Variants in CXADR observed in about 807,000 individuals in gnomAD.
CXADR encodes the protein CXADR cell adhesion molecule.
In CXADR, 20 loss-of-function variants were observed where a neutral mutation model predicts 40.3. The ratio of observed to expected loss-of-function variants is 0.50; its 90% CI spans 0.35 to 0.72. CXADR has a LOEUF of 0.72. Ranked by LOEUF, CXADR falls within the 30% of genes least tolerant of loss-of-function variation. CXADR has a pLI of 0.01. For missense variants in CXADR, 332 were observed against 449.1 expected (o/e 0.74, Z 2.36); for synonymous variants, 150 against 161.3 (o/e 0.93, Z 0.53).
intron 1 of CXADR, among the ~76,000 whole-genome samples, chr21:17,516,152 C>T (rs2060459801): frequency 6.6e-6 from 1 of 152,180 alleles, no homozygotes; most frequent in Non-Finnish European, 1.5e-5. Flanking sequence ...ATTCAATCCA[C>T]CAAGCAACCC....
At chr21:17,618,445 T>C in the CXADR span, among the ~76,000 whole-genome samples, 20 of 152,346 alleles carry the variant, frequency 1.3e-4, no homozygotes, top group South Asian at 4.1e-4. Context: ...TAGTAAATCC[T>C]TTCCCTAGGT....
chr21:17,634,079 G>A, the CXADR span, among the ~76,000 whole-genome samples: 3 of 152,180 alleles, frequency 2.0e-5, no homozygotes, highest in South Asian at 6.2e-4. Flanking sequence ...TTATATCTCA[G>A]AATAGCCTCA....
chr21:17,556,412 G>C (rs1388717318), intron 3 of CXADR, among the ~76,000 whole-genome samples: 1 of 152,164 alleles, frequency 6.6e-6, no homozygotes, highest in African/African-American at 2.4e-5. Context: ...TTTCCTAGCA[G>C]CTATTTTAAA....
chr21:17,635,255 G>A, the CXADR span, among the ~76,000 whole-genome samples: 1 of 152,132 alleles, frequency 6.6e-6, no homozygotes, highest in African/African-American at 2.4e-5. Context: ...TACATCAGCA[G>A]GTTCCCAGTT....
At chr21:17,611,035 C>A in the CXADR span, among the ~76,000 whole-genome samples, 1 of 148,346 alleles carries the variant, frequency 6.7e-6, no homozygotes, top group Non-Finnish European at 1.5e-5. Context: ...CCTTCTACAG[C>A]CAGCTAGCAG....
Position 17,547,019 on chromosome 21 carries a change from TTCTC to T in CXADR, c.44-6_44-3del, listed in dbSNP as rs759553213. The stretch of plus-strand genomic sequence containing the variant: ...AATGCTTAGTCCCTTGTACATTTCT[TTCTC>T]TAGATTTCGCCAGAAGTTTGAGTAT... On this transcript the variant is annotated splice_polypyrimidine_tract_variant and splice_region_variant and intron_variant, in intron 1 of 6. Transcript: ENST00000284878. The T allele has an allele frequency of 5.6e-6, 9 of 1,612,054 alleles. No individual in the cohort carries two copies. Among genetic ancestry groups the T allele is most frequent in the African/African-American group, 1.3e-5 (1 of 74,836 alleles).
intron 1 of CXADR, among the ~76,000 whole-genome samples, chr21:17,531,277 C>T (rs1206021893): frequency 4.1e-5 from 6 of 147,858 alleles, no homozygotes; most frequent in Non-Finnish European, 5.9e-5. Context: ...CTAGCCTGGG[C>T]GACGGAACGA....
intron 7 of CXADR, among the ~76,000 whole-genome samples, chr21:17,579,058 G>A (rs1202216356): frequency 1.3e-5 from 2 of 152,016 alleles, no homozygotes; most frequent in South Asian, 4.2e-4. Context: ...TGAAGGGAAG[G>A]AAAAAGCAAG....
chr21:17,599,912 G>T, the CXADR span, among the ~76,000 whole-genome samples: 1 of 152,128 alleles, frequency 6.6e-6, no homozygotes, highest in Non-Finnish European at 1.5e-5. Flanking sequence ...ACAAAAATGA[G>T]AACTGAGGCA....
At chr21:17,612,184 G>C in the CXADR span, 1 of 152,360 alleles carries the variant, frequency 6.6e-6, no homozygotes, top group Non-Finnish European at 1.5e-5. Flanking sequence ...CAAGTTCAAG[G>C]GGAAGGGCCC....
At chr21:17,587,004 T>G (rs1228523846) in intron 7 of CXADR, among the ~76,000 whole-genome samples, 1 of 152,172 alleles carries the variant, frequency 6.6e-6, no homozygotes, top group East Asian at 1.9e-4. Flanking sequence ...TTTTTTGTCC[T>G]TGCAGTAGTT....
rs778453029 is a variant in CXADR at position 17,561,434 on chromosome 21, G to A, written c.791G>A (p.Arg264His). ...ATCATCTTTTGCTGTCGTAAAAAGC[G>A]CAGAGAAGAAAAATATGAAAAGGAA... ...GLIIFCCRKK[R>H]REEKYEKEVH... Residue 264 changes from arginine to histidine, a missense_variant, in exon 6 of 7, where the codon CGC becomes CAC. Transcript: ENST00000284878. 37 of 1,611,678 alleles carry A rather than the reference G, an allele frequency of 2.3e-5. No homozygotes were observed. The highest frequency in any genetic ancestry group is 2.9e-5 in the Non-Finnish European group (34 of 1,178,830).
At chr21:17,541,417 C>T (rs1003228177) in intron 1 of CXADR, among the ~76,000 whole-genome samples, 8 of 152,072 alleles carry the variant, frequency 5.3e-5, no homozygotes, top group South Asian at 2.1e-4. Context: ...ATTAGCCGGA[C>T]GTGGTGGTGG....
At position 17,547,161 on chromosome 21, in the gene CXADR, T is replaced by C. The variant is rs1254766888; in HGVS notation, c.178T>C (p.Ser60Pro). ...QGPLDIEWLI[S>P]PADNQKVDQV... ...ACCGCTGGACATCGAGTGGCTGATA[T>C]CACCAGCTGATAATCAGAAGGTGGA... The change falls in exon 2 of 7, where the codon TCA becomes CCA. Residue 60 changes from serine to proline, a missense_variant. Physicochemically the swap from Ser to Pro is moderately conservative, Grantham distance 74. Transcript: ENST00000284878. 2.5e-6 allele frequency: 4 copies of C among 1,614,078 alleles called. No homozygotes were observed. The highest frequency in any genetic ancestry group is 2.2e-5 in the East Asian group (1 of 44,890).
chr21:17,571,629 C>G (rs1453025671), downstream of CXADR, among the ~76,000 whole-genome samples: 1 of 152,118 alleles, frequency 6.6e-6, no homozygotes, highest in Non-Finnish European at 1.5e-5. Context: ...AATCAAGAAG[C>G]TACTCCAAGA....
chr21:17,584,717 G>C (rs2849905), intron 7 of CXADR, among the ~76,000 whole-genome samples: 53,780 of 151,920 alleles, frequency 0.35, 9,682 homozygotes, highest in East Asian at 0.4. Flanking sequence ...TGTAATCCCA[G>C]CTACTCTGGA....
At chr21:17,593,706 TAAAC>T (rs149725830), downstream of CXADR, 2,632 of 169,780 alleles carry the variant, frequency 0.016, 72 homozygotes, top group African/African-American at 0.057. Flanking sequence ...ACAATTCTCT[TAAAC>T]AACGACATAA....
chr21:17,513,080 G>A lies in CXADR; in HGVS notation c.-50G>A, dbSNP rs1569060286. ...GCGAGGCGCGGGGAGCCTGGGACCA[G>A]GAGCGAGAGCCGCCTACCTGCAGCC... is the stretch of plus-strand genomic sequence containing the variant. On this transcript the variant is annotated 5_prime_UTR_variant, in exon 1 of 7. Coordinates refer to ENST00000284878, the MANE Select transcript of CXADR (RefSeq NM_001338.5). 4 of 1,335,392 alleles carry A rather than the reference G, an allele frequency of 3.0e-6. No homozygotes were observed. Among genetic ancestry groups the A allele is most frequent in the South Asian group, 4.2e-5 (2 of 47,546 alleles). The allele number at this position is 1,335,392 out of a possible 1,614,324, so 82.7% of individuals were successfully genotyped here.
chr21:17,522,202 G>T (rs1430206335), intron 1 of CXADR, among the ~76,000 whole-genome samples: 1 of 151,650 alleles, frequency 6.6e-6, no homozygotes, highest in African/African-American at 2.4e-5. Context: ...AGGCTAGAGT[G>T]CAATGGCGCG....
Sources: allele counts gnomAD v4.1 joint callset (sites outside exome capture counted in the v4.1 genomes callset), GRCh38; gene constraint gnomAD v4.1.1; transcripts MANE v1.5; gene names NCBI Gene and HGNC (gene_info 2026-07-23, HGNC 2026-07-21).